The following DLGAP2 variants were observed in gnomAD, a reference collection of about 807,000 sequenced individuals.
DLGAP2 encodes the protein DLG associated protein 2.
Under a neutral mutation model 100.3 loss-of-function variants are expected in DLGAP2, and 26 were observed. That is an observed-to-expected ratio of 0.26 (90% CI 0.19 to 0.36). DLGAP2 has a LOEUF of 0.36. Ranked by LOEUF, DLGAP2 falls within the 10% of genes least tolerant of loss-of-function variation. The probability of loss-of-function intolerance (pLI) is 1.00; values close to 1 mark genes in which losing one functional copy is unlikely to be tolerated. For missense variants in DLGAP2, 1,858 were observed against 1,453.2 expected, an observed-to-expected ratio of 1.28 and a Z score of -4.53; for synonymous variants, 886 against 630.1, an observed-to-expected ratio of 1.41 and a Z score of -6.08.
intron 1 of DLGAP2, among the ~76,000 whole-genome samples, chr8:844,430 T>G (rs563974894): frequency 1.3e-5 from 2 of 152,234 alleles, no homozygotes; most frequent in East Asian, 3.9e-4. Context: ...TGACCCCCTT[T>G]CCAGCCGTGC....
intron 2 of DLGAP2, among the ~76,000 whole-genome samples, chr8:1,130,063 A>C (rs1299693564): frequency 1.3e-5 from 2 of 151,754 alleles, no homozygotes; most frequent in East Asian, 3.9e-4. Flanking sequence ...CATGTCGGGC[A>C]CTTCACGTGG....
intron 3 of DLGAP2, among the ~76,000 whole-genome samples, chr8:1,410,832 ATTTT>A (rs33928314): frequency 7.4e-6 from 1 of 135,230 alleles, no homozygotes; most frequent in Non-Finnish European, 1.6e-5. Context: ...CTCTGGAGCC[ATTTT>A]TTTTTTTTTT....
intron 2 of DLGAP2, among the ~76,000 whole-genome samples, chr8:1,025,078 G>GTGTGTGCGCGTGTA (rs1801753639): frequency 6.6e-6 from 1 of 152,024 alleles, no homozygotes; most frequent in African/African-American, 2.4e-5. Context: ...GTGTGCATGT[G>GTGTGTGCGCGTGTA]TGTGTGCGCG....
intron 3 of DLGAP2, among the ~76,000 whole-genome samples, chr8:1,313,176 A>C (rs1244700514): frequency 6.6e-6 from 1 of 152,196 alleles, no homozygotes; most frequent in Non-Finnish European, 1.5e-5. Context: ...TCACTGTAAA[A>C]CAAAACAGGC....
intron 3 of DLGAP2, among the ~76,000 whole-genome samples, chr8:1,356,715 C>T (rs978586156): frequency 2.6e-5 from 4 of 152,128 alleles, no homozygotes; most frequent in Non-Finnish European, 5.9e-5. Context: ...TGTAACCCTA[C>T]AGTAAAGGGT....
In DLGAP2 at chr8:999,794, A is replaced by G. The variant is rs1800891665; in HGVS notation, c.73+91828A>G. ...GCACCCGGCTGGTGGTGTGGTTTTAATACTCAGTTGAGTTCCTTTCCTGTG... is the reference window on the plus strand; with the variant it reads ...GCACCCGGCTGGTGGTGTGGTTTTAGTACTCAGTTGAGTTCCTTTCCTGTG... On this transcript the variant is annotated intron_variant, in intron 2 of 14. Transcript: ENST00000637795. 2.6e-5 allele frequency among the ~76,000 whole-genome samples: 4 copies of G among 152,208 alleles called. No individual in the cohort carries two copies. The South Asian group carries it at 8.3e-4, about 32-fold the overall frequency.
intron 2 of DLGAP2, among the ~76,000 whole-genome samples, chr8:1,026,229 G>A (rs1157194368): frequency 2.0e-5 from 3 of 152,276 alleles, no homozygotes; most frequent in East Asian, 3.9e-4. Flanking sequence ...TGGTGGAGAC[G>A]TTTGCCGTCT....
rs17063951 is a variant in DLGAP2 at position 1,485,265 on chromosome 8, C to A, written c.107-16101C>A. 5.2e-3 allele frequency among the ~76,000 whole-genome samples: 788 copies of A among 152,172 alleles called. 6 individuals are homozygous for A. The highest frequency in any genetic ancestry group is 0.018 in the African/African-American group (746 of 41,504). On this transcript the variant is annotated intron_variant, in intron 3 of 14. Coordinates refer to ENST00000637795, the MANE Select transcript of DLGAP2 (RefSeq NM_001346810.2). Reference sequence around the variant, plus strand: ...TTTTGATTAGGTTGATTAGCCAGACCCACTCTACGCTGTAAAATGCAGCTA... The same window carrying A: ...TTTTGATTAGGTTGATTAGCCAGACACACTCTACGCTGTAAAATGCAGCTA...
intron 2 of DLGAP2, among the ~76,000 whole-genome samples, chr8:1,115,370 C>T (rs895435607): frequency 1.3e-5 from 2 of 152,160 alleles, no homozygotes; most frequent in African/African-American, 4.8e-5. Flanking sequence ...CTGGGTGCTC[C>T]TGTGTTGGAT....
intron 3 of DLGAP2, among the ~76,000 whole-genome samples, chr8:1,493,229 G>T (rs1479632952): frequency 6.6e-6 from 1 of 152,160 alleles, no homozygotes; most frequent in Non-Finnish European, 1.5e-5. Context: ...GCGCCTCCAT[G>T]GATGGAGCGC....
At chr8:1,162,165 C>T (rs548403373) in intron 2 of DLGAP2, among the ~76,000 whole-genome samples, 5 of 152,328 alleles carry the variant, frequency 3.3e-5, no homozygotes, top group African/African-American at 1.2e-4. Context: ...GCAGCAGGGG[C>T]GGCCAGTGCT....
chr8:779,958 A>C (rs1293627956), intron 1 of DLGAP2, among the ~76,000 whole-genome samples: 1 of 152,174 alleles, frequency 6.6e-6, no homozygotes, highest in South Asian at 2.1e-4. Flanking sequence ...GAGTCAAGCT[A>C]GCTAACTGAC....
At chr8:1,070,166 T>C (rs1467023082) in intron 2 of DLGAP2, among the ~76,000 whole-genome samples, 1 of 152,222 alleles carries the variant, frequency 6.6e-6, no homozygotes, top group Non-Finnish European at 1.5e-5. Context: ...CTCTGCTCTT[T>C]GACTTCAGCT....
At chr8:1,619,568 G>C (rs935401376) in intron 6 of DLGAP2, 1 of 152,162 alleles carries the variant, frequency 6.6e-6, no homozygotes, top group African/African-American at 2.4e-5. Flanking sequence ...AGTTGTTTCT[G>C]AGACATCTAC....
intron 2 of DLGAP2, chr8:1,019,684 C>T (rs1320876981): frequency 6.6e-6 from 1 of 152,156 alleles, no homozygotes; most frequent in Non-Finnish European, 1.5e-5. Context: ...TGTGATTATA[C>T]ATATAAAGAT....
At chr8:830,203 C>G (rs7001711) in intron 1 of DLGAP2, among the ~76,000 whole-genome samples, 151,335 of 152,340 alleles carry the variant, frequency 0.99, 75,182 homozygotes, top group Middle Eastern at 1. Flanking sequence ...ATATTTATGA[C>G]GTACATGAGA....
At chr8:1,542,183 C>G (rs930830395) in intron 4 of DLGAP2, among the ~76,000 whole-genome samples, 1 of 152,188 alleles carries the variant, frequency 6.6e-6, no homozygotes, top group African/African-American at 2.4e-5. Flanking sequence ...TGTCTATATT[C>G]AATTTTGAGT....
In DLGAP2 at chr8:815,514, A is replaced by G. The variant is rs188637598; in HGVS notation, c.18+77689A>G. 6.6e-4 allele frequency among the ~76,000 whole-genome samples: 100 copies of G among 152,346 alleles called. No individual in the cohort carries two copies. In the East Asian group the frequency reaches 0.014, roughly 22 times the overall value. ...TCCTTTCAGATGGATACGTTGTATC[A>G]CCTGCTAAGCGGAAATAAAGATAAA... is the stretch of plus-strand genomic sequence containing the variant. On this transcript the variant is annotated intron_variant, in intron 1 of 14. Coordinates refer to ENST00000637795, the MANE Select transcript of DLGAP2 (RefSeq NM_001346810.2).
At chr8:1,674,871 A>G (rs905875639) in intron 10 of DLGAP2, among the ~76,000 whole-genome samples, 4 of 152,252 alleles carry the variant, frequency 2.6e-5, no homozygotes, top group Admixed American at 6.5e-5. Flanking sequence ...GCAGCTCCAT[A>G]TGTACAGACA....
Sources: allele counts gnomAD v4.1 joint callset (sites outside exome capture counted in the v4.1 genomes callset), GRCh38; gene constraint gnomAD v4.1.1; transcripts MANE v1.5; gene names NCBI Gene and HGNC (gene_info 2026-07-23, HGNC 2026-07-21).